The following UNC5C variants were observed in gnomAD, a reference collection of about 807,000 sequenced individuals.
UNC5C encodes netrin receptor UNC5C.
UNC5C carries 47 observed loss-of-function variants against 99.8 expected under a neutral mutation model. The observed-to-expected ratio is 0.47, with a 90% CI of 0.37 to 0.60. UNC5C has a LOEUF of 0.60. Ranked by LOEUF, UNC5C falls within the 20% of genes least tolerant of loss-of-function variation. The pLI is 0.00. For synonymous variants in UNC5C, 487 were observed against 452.2 expected (o/e 1.08, Z -0.98); for missense variants, 1,062 against 1,165.9 (o/e 0.91, Z 1.30).
intron 3 of UNC5C, among the ~76,000 whole-genome samples, chr4:95,291,786 A>G: frequency 6.6e-6 from 1 of 152,296 alleles, no homozygotes; most frequent in Middle Eastern, 3.4e-3. Context: ...TTTTTCCCTT[A>G]TCTAAAAATG....
In UNC5C at chr4:95,179,746, C is replaced by CAAAAAAAA. The variant is rs33974336; in HGVS notation, c.2451+3143_2451+3150dup. Among the ~76,000 whole-genome samples the CAAAAAAAA allele has an allele frequency of 2.6e-4, 26 of 98,336 alleles. 1 individual carries two copies. Among genetic ancestry groups the CAAAAAAAA allele is most frequent in the Non-Finnish European group, 4.0e-4 (22 of 54,786 alleles). 64.5% of individuals were successfully genotyped at this position (98,336 alleles called of 152,430 possible). The stretch of plus-strand genomic sequence containing the variant: ...TGGGCCACAGAGCAAGACTCCTTCT[C>CAAAAAAAA]AAAAAAAAAAAAAAAAAAAGAAAAA... On this transcript the variant is annotated intron_variant, in intron 14 of 15. Coordinates refer to ENST00000453304, the MANE Select transcript of UNC5C (RefSeq NM_003728.4).
chr4:95,185,021 C>T (rs777645683), intron 13 of UNC5C, 26 bp downstream of exon 13: 6 of 1,598,454 alleles, frequency 3.8e-6, no homozygotes, highest in Non-Finnish European at 4.3e-6. Context: ...TGTCTCCAGA[C>T]CTTTTGTTCG....
At chr4:95,484,596 G>C (rs1721271258) in intron 1 of UNC5C, among the ~76,000 whole-genome samples, 1 of 151,798 alleles carries the variant, frequency 6.6e-6, no homozygotes, top group Non-Finnish European at 1.5e-5. Flanking sequence ...ACATGGTTCA[G>C]CCTCTGTCAG....
chr4:95,339,794 G>C (rs928826553), intron 1 of UNC5C, among the ~76,000 whole-genome samples: 3 of 152,182 alleles, frequency 2.0e-5, no homozygotes, highest in African/African-American at 7.2e-5. Context: ...TGTGAAACAC[G>C]TTTTGTACAT....
intron 3 of UNC5C, among the ~76,000 whole-genome samples, chr4:95,284,500 C>T (rs758856911): frequency 3.9e-5 from 6 of 152,034 alleles, no homozygotes; most frequent in Admixed American, 6.6e-5. Context: ...TCTTTGAAGA[C>T]AACAGCTTAT....
At chr4:95,400,456 G>T (rs1050268679) in intron 1 of UNC5C, among the ~76,000 whole-genome samples, 1 of 129,078 alleles carries the variant, frequency 7.7e-6, no homozygotes, top group Non-Finnish European at 1.6e-5. Flanking sequence ...GCAGTGGCAC[G>T]ATCTCGGCTC....
intron 1 of UNC5C, among the ~76,000 whole-genome samples, chr4:95,414,216 T>TCCC (rs112065562): frequency 8.9e-5 from 13 of 146,892 alleles, no homozygotes; most frequent in South Asian, 4.4e-4. Context: ...TTTCCCCACC[T>TCCC]CCCCCCCACA....
At chr4:95,317,321 A>G (rs1742512991) in intron 2 of UNC5C, among the ~76,000 whole-genome samples, 1 of 152,226 alleles carries the variant, frequency 6.6e-6, no homozygotes, top group African/African-American at 2.4e-5. Context: ...TGAGGAAATC[A>G]GGGGGAAAAA....
chr4:95,468,006 G>C (rs567902464), intron 1 of UNC5C, among the ~76,000 whole-genome samples: 13 of 152,228 alleles, frequency 8.5e-5, no homozygotes, highest in Non-Finnish European at 1.6e-4. Context: ...GGAGGATGAG[G>C]AGGGGTTGGT....
At chr4:95,323,391 A>C (rs1742764138) in intron 2 of UNC5C, among the ~76,000 whole-genome samples, 1 of 152,200 alleles carries the variant, frequency 6.6e-6, no homozygotes, top group South Asian at 2.1e-4. Flanking sequence ...TAATAAGAGG[A>C]CAGGATGTGA....
intron 12 of UNC5C, among the ~76,000 whole-genome samples, chr4:95,199,555 TTCA>T (rs1273851218): frequency 2.6e-5 from 4 of 152,222 alleles, no homozygotes; most frequent in Non-Finnish European, 4.4e-5. Context: ...CTTAAACCTG[TTCA>T]TCACTCTTTC....
chr4:95,522,600 A>G (rs529887944), intron 1 of UNC5C, among the ~76,000 whole-genome samples: 5 of 152,214 alleles, frequency 3.3e-5, no homozygotes, highest in South Asian at 4.1e-4. Context: ...AAAAGAAAGT[A>G]TCCTGACTTT....
chr4:95,511,792 T>C (rs368562524), intron 1 of UNC5C, among the ~76,000 whole-genome samples: 71 of 151,714 alleles, frequency 4.7e-4, no homozygotes, highest in African/African-American at 1.6e-3. Flanking sequence ...ACCAATGCAA[T>C]GGAAAAAAAA....
At chr4:95,486,050 C>A (rs1310768362) in intron 1 of UNC5C, among the ~76,000 whole-genome samples, 2 of 151,526 alleles carry the variant, frequency 1.3e-5, no homozygotes, top group African/African-American at 4.8e-5. Context: ...TAAGAGGCAA[C>A]CTTTGGCTCA....
intron 14 of UNC5C, among the ~76,000 whole-genome samples, chr4:95,176,347 C>T (rs1025266616): frequency 5.9e-5 from 9 of 151,934 alleles, no homozygotes; most frequent in Admixed American, 1.3e-4. Context: ...AGTTTTTCTG[C>T]TCTGTTTTTT....
At chr4:95,259,127 G>A (rs1269428501) in intron 4 of UNC5C, among the ~76,000 whole-genome samples, 1 of 151,970 alleles carries the variant, frequency 6.6e-6, no homozygotes, top group East Asian at 1.9e-4. Context: ...CAACTGCTTG[G>A]GCCCAAAACT....
chr4:95,246,533 C>A (rs144344738), intron 5 of UNC5C, among the ~76,000 whole-genome samples: 108 of 152,144 alleles, frequency 7.1e-4, no homozygotes, highest in African/African-American at 2.4e-3. Context: ...ACACTCCAGC[C>A]TGGGCAACAG....
At chr4:95,241,734 G>C (rs1310958686) in intron 7 of UNC5C, among the ~76,000 whole-genome samples, 1 of 152,070 alleles carries the variant, frequency 6.6e-6, no homozygotes, top group Non-Finnish European at 1.5e-5. Flanking sequence ...GTCAGAGTTT[G>C]CAAGTATGAA....
At chr4:95,420,408 A>G (rs1457749354) in intron 1 of UNC5C, among the ~76,000 whole-genome samples, 1 of 152,176 alleles carries the variant, frequency 6.6e-6, no homozygotes, top group Non-Finnish European at 1.5e-5. Flanking sequence ...AAGTCTAGAG[A>G]TTTAACAAAT....
Sources: allele counts gnomAD v4.1 joint callset (sites outside exome capture counted in the v4.1 genomes callset), GRCh38; gene constraint gnomAD v4.1.1; transcripts MANE v1.5; gene names NCBI Gene and HGNC (gene_info 2026-07-23, HGNC 2026-07-21).